The following CLEC12A variants were observed in gnomAD, a reference collection of about 807,000 sequenced individuals.
CLEC12A encodes the protein C-type lectin protein CLL-1.
In CLEC12A, 22 loss-of-function variants were observed where a neutral mutation model predicts 26.5. The observed-to-expected ratio is 0.83, with a 90% CI of 0.59 to 1.19. The LOEUF is 1.19. Ranked by LOEUF, CLEC12A falls within the 50% of genes most tolerant of loss-of-function variation. The pLI, the probability that CLEC12A is intolerant of heterozygous loss-of-function variation, is 0.00. For missense variants in CLEC12A, 353 were observed against 315.6 expected (o/e 1.12, Z -0.90); for synonymous variants, 119 against 101.9 (o/e 1.17, Z -1.01).
chr12:9,999,466 C>T (rs1027709551), downstream of CLEC12A, among the ~76,000 whole-genome samples: 12 of 152,118 alleles, frequency 7.9e-5, no homozygotes, highest in Non-Finnish European at 1.3e-4. Context: ...CTAGCTTAGT[C>T]TAAATTACAT....
upstream of CLEC12A, chr12:9,971,305 T>C (rs971901270): frequency 3.6e-5 from 24 of 663,478 alleles, no homozygotes; most frequent in African/African-American, 4.7e-4. Context: ...CTTTCTGTAG[T>C]TGGTAAATAT....
downstream of CLEC12A, among the ~76,000 whole-genome samples, chr12:9,996,258 A>G (rs1227061887): frequency 6.6e-6 from 1 of 152,192 alleles, no homozygotes; most frequent in Non-Finnish European, 1.5e-5. Context: ...CCCAATAGGA[A>G]CTGACAGATA....
At chr12:9,959,302 A>T (rs1591811336) in intron 1 of CLEC12A, among the ~76,000 whole-genome samples, 1 of 151,756 alleles carries the variant, frequency 6.6e-6, no homozygotes, top group Non-Finnish European at 1.5e-5. Flanking sequence ...AATACAAAAA[A>T]TTAGCTGGGC....
chr12:9,999,269 G>A (rs1865126746), downstream of CLEC12A: 1 of 500,638 alleles, frequency 2.0e-6, no homozygotes, highest in Admixed American at 3.4e-5. Context: ...TTTCCAGGAA[G>A]CTTCTTCATA....
intron 1 of CLEC12A, chr12:9,951,448 C>T: frequency 2.9e-6 from 2 of 700,734 alleles, no homozygotes; most frequent in Non-Finnish European, 5.2e-6. Flanking sequence ...TCAGCAAGGC[C>T]AACTGACGGA....
At chr12:9,955,972 A>T (rs1230888903) in intron 1 of CLEC12A, among the ~76,000 whole-genome samples, 1 of 152,216 alleles carries the variant, frequency 6.6e-6, no homozygotes, top group African/African-American at 2.4e-5. Context: ...TTAAGGCAAG[A>T]GGGAAAAAAA....
intron 4 of CLEC12A, chr12:9,993,164 G>C (rs1245409475): frequency 1.9e-6 from 3 of 1,611,330 alleles, no homozygotes; most frequent in Non-Finnish European, 2.5e-6. Context: ...GGTCCACCTT[G>C]GTCATGCCAG....
chr12:9,993,789 T>G (rs1864958392), intron 4 of CLEC12A, among the ~76,000 whole-genome samples: 1 of 152,132 alleles, frequency 6.6e-6, no homozygotes, highest in Non-Finnish European at 1.5e-5. Context: ...TGTATTGTAA[T>G]TGTCTGTTAA....
chr12:9,989,237 T>G (rs1165598544), downstream of CLEC12A, among the ~76,000 whole-genome samples: 1 of 139,774 alleles, frequency 7.2e-6, no homozygotes, highest in African/African-American at 2.6e-5. Context: ...GGGGGAGGGA[T>G]AGCATTAGGA....
At chr12:9,984,313 G>A (rs1298924198) in intron 5 of CLEC12A, 2 of 152,002 alleles carry the variant, frequency 1.3e-5, no homozygotes, top group Admixed American at 6.6e-5. Context: ...AATCTAAAAG[G>A]TAATATTTTT....
At position 9,964,375 on chromosome 12, in the gene CLEC12A, C is replaced by T. The variant is rs551953283; in HGVS notation, c.11-7202C>T. Among the ~76,000 whole-genome samples the T allele has an allele frequency of 7.2e-5, 11 of 152,056 alleles. No homozygotes were observed. In the East Asian group the frequency reaches 1.7e-3, roughly 24 times the overall value. ...GGGAAATGCAAAGCTAGAGTTTGTTCGCTAAGGAGGGATTAGAAACAGCTA... is the reference window on the plus strand; with the variant it reads ...GGGAAATGCAAAGCTAGAGTTTGTTTGCTAAGGAGGGATTAGAAACAGCTA... On this transcript the variant is annotated intron_variant, in intron 1 of 6. Coordinates refer to the CLEC12A transcript ENST00000355690.
chr12:9,997,135 A>G, downstream of CLEC12A: 3 of 1,613,500 alleles, frequency 1.9e-6, no homozygotes, highest in Non-Finnish European at 2.5e-6. Flanking sequence ...TGGAGAGATG[A>G]AGAGGTTAAA....
intron 1 of CLEC12A, among the ~76,000 whole-genome samples, chr12:9,955,269 A>G (rs2137091966): frequency 6.6e-6 from 1 of 152,032 alleles, no homozygotes; most frequent in East Asian, 1.9e-4. Context: ...TGTATTTTTT[A>G]GTAGAGAAGA....
chr12:9,964,260 C>A (rs188184197), intron 1 of CLEC12A, among the ~76,000 whole-genome samples: 19 of 152,154 alleles, frequency 1.2e-4, no homozygotes, highest in African/African-American at 4.3e-4. Flanking sequence ...AAGGTGAGGG[C>A]TGTTAAAGGA....
At chr12:10,002,804 A>G in the CLEC12A span, among the ~76,000 whole-genome samples, 1 of 152,214 alleles carries the variant, frequency 6.6e-6, no homozygotes, top group East Asian at 1.9e-4. Flanking sequence ...CCCAGTTTCT[A>G]AATTCTTTCG....
the CLEC12A span, among the ~76,000 whole-genome samples, chr12:10,004,254 C>T: frequency 1.7e-3 from 259 of 152,322 alleles, 2 homozygotes; most frequent in Admixed American, 5.2e-3. Flanking sequence ...AGTGCCTCCC[C>T]GGCCTTTTCT....
At chr12:9,963,554 A>G (rs182887420) in intron 1 of CLEC12A, among the ~76,000 whole-genome samples, 1 of 152,090 alleles carries the variant, frequency 6.6e-6, no homozygotes, top group Admixed American at 6.6e-5. Flanking sequence ...AAAGTCTTAA[A>G]CTGATAAGCA....
chr12:9,996,770 A>C, downstream of CLEC12A: 2 of 1,513,424 alleles, frequency 1.3e-6, no homozygotes, highest in Non-Finnish European at 1.8e-6. Context: ...AATGTAAAAA[A>C]CAAAAAAAGG....
intron 4 of CLEC12A, chr12:9,992,627 T>C (rs185754954): frequency 1.3e-5 from 2 of 152,388 alleles, no homozygotes; most frequent in East Asian, 1.9e-4. Context: ...ATTTTAAATA[T>C]GAGAAAAGGG....
Sources: gnomAD v4.1 joint callset for allele counts (sites outside exome capture counted in the v4.1 genomes callset) on GRCh38, gnomAD v4.1.1 for gene constraint, MANE v1.5 for transcripts, NCBI Gene and HGNC (gene_info 2026-07-23, HGNC 2026-07-21) for gene names.